Variants in ANKS1B observed in about 807,000 individuals in gnomAD.
ANKS1B encodes the protein ankyrin repeat and sterile alpha motif domain-containing protein 1B.
A neutral mutation model predicts 148.3 loss-of-function variants in ANKS1B; 36 were observed. That is an observed-to-expected ratio of 0.24 (90% confidence interval 0.19 to 0.32). The LOEUF (loss-of-function observed/expected upper bound fraction) is 0.32. Among genes scored for constraint, ANKS1B ranks in the 10% least tolerant of loss-of-function variants. The pLI is 1.00. For missense variants in ANKS1B, 1,157 were observed against 1,542.6 expected (o/e 0.75, Z 4.19); for synonymous variants, 542 against 560.8 (o/e 0.97, Z 0.47).
At chr12:98,905,503 C>G (rs2099777756) in intron 17 of ANKS1B, among the ~76,000 whole-genome samples, 1 of 152,180 alleles carries the variant, frequency 6.6e-6, no homozygotes, top group Admixed American at 6.5e-5. Context: ...GGCGCAAAGG[C>G]TCCTGCCTGT....
chr12:99,341,494 G>A (rs917174024), intron 12 of ANKS1B, among the ~76,000 whole-genome samples: 5 of 152,092 alleles, frequency 3.3e-5, no homozygotes, highest in African/African-American at 1.2e-4. Context: ...TAAAGAACCA[G>A]ACATCTCTAT....
chr12:99,528,543 A>C (rs150884974), intron 9 of ANKS1B, among the ~76,000 whole-genome samples: 1 of 152,120 alleles, frequency 6.6e-6, no homozygotes, highest in Non-Finnish European at 1.5e-5. Context: ...CAAATCTATA[A>C]AAAACTTTTA....
At chr12:99,706,930 G>A (rs570964317) in intron 8 of ANKS1B, among the ~76,000 whole-genome samples, 1 of 152,022 alleles carries the variant, frequency 6.6e-6, no homozygotes, top group African/African-American at 2.4e-5. Context: ...TTCCCCAGTC[G>A]AGCCACAGAC....
chr12:99,335,866 G>T (rs2088725884), intron 12 of ANKS1B, among the ~76,000 whole-genome samples: 1 of 151,956 alleles, frequency 6.6e-6, no homozygotes, highest in Non-Finnish European at 1.5e-5. Flanking sequence ...TCCTTTCCTT[G>T]GGGAATATAC....
intron 11 of ANKS1B, among the ~76,000 whole-genome samples, chr12:99,427,242 T>C (rs2095273383): frequency 6.6e-6 from 1 of 152,028 alleles, no homozygotes; most frequent in Non-Finnish European, 1.5e-5. Context: ...TAATTGCACT[T>C]GGAGTAAAAT....
At chr12:99,088,358 C>T (rs2052701450) in intron 15 of ANKS1B, among the ~76,000 whole-genome samples, 1 of 152,060 alleles carries the variant, frequency 6.6e-6, no homozygotes, top group Non-Finnish European at 1.5e-5. Flanking sequence ...CTTCCTGGTC[C>T]TCACCCACCA....
chr12:98,895,276 C>A, intron 17 of ANKS1B: 1 of 985,490 alleles, frequency 1.0e-6, no homozygotes. Context: ...GCGCCCCTCG[C>A]ATCCTCGGTT....
chr12:98,802,821 T>C (rs2099017154), intron 20 of ANKS1B, among the ~76,000 whole-genome samples: 1 of 151,968 alleles, frequency 6.6e-6, no homozygotes, highest in Admixed American at 6.6e-5. Flanking sequence ...TCGTTGCTGA[T>C]TTACTTTTAC....
chr12:98,979,784 T>C (rs1251371088), intron 17 of ANKS1B, among the ~76,000 whole-genome samples: 2 of 152,184 alleles, frequency 1.3e-5, no homozygotes, highest in Non-Finnish European at 2.9e-5. Flanking sequence ...TTGAATTTCT[T>C]GGATCTGTGG....
At chr12:99,006,749 T>C (rs1453137110) in intron 17 of ANKS1B, among the ~76,000 whole-genome samples, 2 of 152,232 alleles carry the variant, frequency 1.3e-5, no homozygotes, top group Non-Finnish European at 2.9e-5. Flanking sequence ...TATTAGTTAA[T>C]ACAATAAAGC....
intron 8 of ANKS1B, among the ~76,000 whole-genome samples, chr12:99,762,870 G>A (rs2062273767): frequency 6.6e-6 from 1 of 151,818 alleles, no homozygotes; most frequent in South Asian, 2.1e-4. Context: ...AGATATACAT[G>A]CAGTTAATAA....
chr12:98,943,334 T>C (rs1680462412), intron 17 of ANKS1B, among the ~76,000 whole-genome samples: 1 of 152,248 alleles, frequency 6.6e-6, no homozygotes, highest in African/African-American at 2.4e-5. Context: ...TTTAAAATGA[T>C]AACTGTATTA....
At chr12:98,969,983 T>C (rs999514356) in intron 17 of ANKS1B, among the ~76,000 whole-genome samples, 2 of 152,178 alleles carry the variant, frequency 1.3e-5, no homozygotes, top group African/African-American at 4.8e-5. Flanking sequence ...GTTCAGACCA[T>C]CTAATCTTCA....
intron 1 of ANKS1B, among the ~76,000 whole-genome samples, chr12:99,938,414 G>C (rs1429652921): frequency 6.6e-6 from 1 of 152,142 alleles, no homozygotes. Context: ...GTGAGACCTT[G>C]AGCAGAGGAT....
At chr12:99,560,269 A>T (rs12296868) in intron 9 of ANKS1B, among the ~76,000 whole-genome samples, 39,000 of 151,998 alleles carry the variant, frequency 0.26, 5,343 homozygotes, top group East Asian at 0.37. Context: ...GCAAAATATA[A>T]CATTATCTAA....
intron 1 of ANKS1B, among the ~76,000 whole-genome samples, chr12:99,968,986 C>G (rs548326168): frequency 6.6e-6 from 1 of 152,246 alleles, no homozygotes; most frequent in East Asian, 1.9e-4. Flanking sequence ...CCTGCAGAAC[C>G]CTGAGCCAAT....
At chr12:98,790,557 A>G (rs1377932796) in intron 22 of ANKS1B, among the ~76,000 whole-genome samples, 1 of 152,172 alleles carries the variant, frequency 6.6e-6, no homozygotes, top group African/African-American at 2.4e-5. Context: ...TCCTGGCCCC[A>G]AGAGATCCTC....
intron 8 of ANKS1B, among the ~76,000 whole-genome samples, chr12:99,772,014 A>T (rs1189014648): frequency 1.3e-5 from 2 of 152,168 alleles, no homozygotes; most frequent in African/African-American, 2.4e-5. Context: ...TATCTGTAAC[A>T]AATTAAGTTC....
chr12:99,871,849 C>T (rs2091555393), intron 1 of ANKS1B, among the ~76,000 whole-genome samples: 1 of 152,064 alleles, frequency 6.6e-6, no homozygotes, highest in Admixed American at 6.6e-5. Context: ...AATCATATCA[C>T]CAGCAAGGAG....
Sources: gnomAD v4.1 joint callset for allele counts (sites outside exome capture counted in the v4.1 genomes callset) on GRCh38, gnomAD v4.1.1 for gene constraint, MANE v1.5 for transcripts, NCBI Gene and HGNC (gene_info 2026-07-23, HGNC 2026-07-21) for gene names.